C1QTNF3: variants seen among roughly 807,000 people sequenced by gnomAD.
The protein encoded by C1QTNF3 is C1q and TNF related 3.
C1QTNF3 carries 26 observed loss-of-function variants against 32.6 expected under a neutral mutation model. The ratio of observed to expected loss-of-function variants is 0.80; its 90% CI spans 0.58 to 1.11. C1QTNF3 has a LOEUF of 1.11. Ranked by LOEUF, C1QTNF3 falls within the 50% of genes least tolerant of loss-of-function variation. The probability of loss-of-function intolerance (pLI) is 0.00; values close to 1 mark genes in which losing one functional copy is unlikely to be tolerated. For synonymous variants in C1QTNF3, 155 were observed against 146.0 expected, an observed-to-expected ratio of 1.06 and a Z score of -0.44; for missense variants, 362 against 398.2, an observed-to-expected ratio of 0.91 and a Z score of 0.77.
At chr5:34,176,314 T>G in the C1QTNF3 span, among the ~76,000 whole-genome samples, 1 of 149,338 alleles carries the variant, frequency 6.7e-6, no homozygotes. Flanking sequence ...GATGACGAGT[T>G]AGTGGGTGCA....
the C1QTNF3 span, among the ~76,000 whole-genome samples, chr5:34,145,678 C>CAAAAAAAAAAAAA: frequency 5.2e-5 from 5 of 96,896 alleles, no homozygotes; most frequent in Admixed American, 1.1e-4. Context: ...AGAGACACAG[C>CAAAAAAAAAAAAA]AAAAAAAAAA....
chr5:34,028,842 C>T lies in C1QTNF3; in HGVS notation c.612G>A (p.Gln204=), dbSNP rs745473321. The change falls in exon 4 of 6, where the codon CAG becomes CAA. Residue 204 remains glutamine, a synonymous_variant. Coordinates refer to ENST00000382065, the MANE Select transcript of C1QTNF3 (RefSeq NM_181435.6). ...MASLATHFSN[Q]NSGIIFSSVE... ...CACTGCTGAAGATAATCCCACTGTT[C>T]TGATTGCTGAAGTGGGTTGCCAGAG... 2.5e-6 allele frequency: 4 copies of T among 1,612,820 alleles called. No individual in the cohort carries two copies. The highest frequency in any genetic ancestry group is 3.4e-6 in the Non-Finnish European group (4 of 1,179,306).
chr5:34,084,683 C>A, the C1QTNF3 span, among the ~76,000 whole-genome samples: 1 of 149,864 alleles, frequency 6.7e-6, no homozygotes, highest in Non-Finnish European at 1.5e-5. Flanking sequence ...GTATTTTTTT[C>A]TTGTAAAATT....
chr5:34,091,440 CCTT>C, the C1QTNF3 span, among the ~76,000 whole-genome samples: 2 of 152,204 alleles, frequency 1.3e-5, no homozygotes, highest in South Asian at 2.1e-4. Context: ...TTCTTCCTCT[CCTT>C]CTTTCTCTTC....
At chr5:34,165,174 T>A in the C1QTNF3 span, 1 of 152,106 alleles carries the variant, frequency 6.6e-6, no homozygotes, top group Non-Finnish European at 1.5e-5. Flanking sequence ...GCTGTCTGAG[T>A]TCTCAGGCCT....
the C1QTNF3 span, among the ~76,000 whole-genome samples, chr5:34,133,525 G>C: frequency 1.5e-4 from 23 of 152,302 alleles, no homozygotes; most frequent in African/African-American, 5.5e-4. Flanking sequence ...CTAAAATCTT[G>C]TTACATCCTA....
chr5:34,109,905 G>C, the C1QTNF3 span, among the ~76,000 whole-genome samples: 1 of 152,270 alleles, frequency 6.6e-6, no homozygotes, highest in Admixed American at 6.5e-5. Flanking sequence ...ACTTCCTCAC[G>C]GTATAGTGGC....
the C1QTNF3 span, among the ~76,000 whole-genome samples, chr5:34,060,162 TA>T: frequency 8.9e-4 from 135 of 152,346 alleles, no homozygotes; most frequent in East Asian, 0.024. Context: ...CCTGACTCTG[TA>T]AGACTGGCCT....
At chr5:34,118,133 G>T in the C1QTNF3 span, among the ~76,000 whole-genome samples, 1 of 152,128 alleles carries the variant, frequency 6.6e-6, no homozygotes, top group Admixed American at 6.5e-5. Context: ...AGGCTGGAGT[G>T]CAGGGGCATG....
the C1QTNF3 span, among the ~76,000 whole-genome samples, chr5:34,148,055 G>C: frequency 6.6e-6 from 1 of 151,836 alleles, no homozygotes; most frequent in Non-Finnish European, 1.5e-5. Flanking sequence ...AAGCGCAAGG[G>C]GTCAGGGAGT....
At chr5:34,235,981 C>T in the C1QTNF3 span, among the ~76,000 whole-genome samples, 1 of 152,098 alleles carries the variant, frequency 6.6e-6, no homozygotes, top group African/African-American at 2.4e-5. Flanking sequence ...AGAACATAGG[C>T]TACTAAGGTA....
the C1QTNF3 span, among the ~76,000 whole-genome samples, chr5:34,242,471 A>C: frequency 6.6e-6 from 1 of 152,232 alleles, no homozygotes; most frequent in Non-Finnish European, 1.5e-5. Context: ...CAGAAGAGTG[A>C]AACTGGATGC....
the C1QTNF3 span, chr5:34,165,557 G>A: frequency 1.3e-5 from 2 of 151,922 alleles, no homozygotes; most frequent in Admixed American, 1.3e-4. Context: ...TGCTGTCATT[G>A]ATGCCTCTTC....
At chr5:34,209,729 T>A in the C1QTNF3 span, among the ~76,000 whole-genome samples, 1 of 152,090 alleles carries the variant, frequency 6.6e-6, no homozygotes, top group African/African-American at 2.4e-5. Flanking sequence ...CCGGATCATA[T>A]ATATAGTTTT....
the C1QTNF3 span, among the ~76,000 whole-genome samples, chr5:34,225,828 T>C: frequency 6.6e-6 from 1 of 151,672 alleles, no homozygotes; most frequent in Non-Finnish European, 1.5e-5. Context: ...TCATTAAAGA[T>C]TTGGTTGCAA....
the C1QTNF3 span, among the ~76,000 whole-genome samples, chr5:34,113,199 G>A: frequency 7.0e-6 from 1 of 143,700 alleles, no homozygotes; most frequent in Non-Finnish European, 1.5e-5. Context: ...CCTTGCTTTT[G>A]CTTGTGAATA....
chr5:34,056,479 T>TATATATAGAG, the C1QTNF3 span, among the ~76,000 whole-genome samples: 14 of 51,772 alleles, frequency 2.7e-4, no homozygotes, highest in Admixed American at 8.4e-4. Context: ...TATATATATA[T>TATATATAGAG]AGAGAGAGAG....
chr5:34,072,708 A>G, the C1QTNF3 span, among the ~76,000 whole-genome samples: 1 of 152,338 alleles, frequency 6.6e-6, no homozygotes. Context: ...TCAATATCAA[A>G]TGTACAAGTC....
the C1QTNF3 span, among the ~76,000 whole-genome samples, chr5:34,147,999 G>A: frequency 2.6e-5 from 4 of 152,216 alleles, no homozygotes; most frequent in East Asian, 2.0e-4. Flanking sequence ...GTGTGTGTGC[G>A]CACCATGCGC....
Sources: gnomAD v4.1 joint callset for allele counts (sites outside exome capture counted in the v4.1 genomes callset) on GRCh38, gnomAD v4.1.1 for gene constraint, MANE v1.5 for transcripts, NCBI Gene and HGNC (gene_info 2026-07-23, HGNC 2026-07-21) for gene names.